The following BCKDHB variants were observed in gnomAD, a reference collection of about 807,000 sequenced individuals.
The protein encoded by BCKDHB is 2-oxoisovalerate dehydrogenase subunit beta, mitochondrial.
A neutral mutation model predicts 48.5 loss-of-function variants in BCKDHB; 41 were observed. That is an observed-to-expected ratio of 0.85 (90% confidence interval 0.66 to 1.10). The LOEUF (loss-of-function observed/expected upper bound fraction) is 1.10, where lower values mean the gene tolerates loss of function less well. Among genes scored for constraint, BCKDHB ranks in the 50% least tolerant of loss-of-function variants. BCKDHB has a pLI of 0.00. For missense variants in BCKDHB, 496 were observed against 494.2 expected, an observed-to-expected ratio of 1.00 and a Z score of -0.03; for synonymous variants, 201 against 174.8, an observed-to-expected ratio of 1.15 and a Z score of -1.18.
the BCKDHB span, among the ~76,000 whole-genome samples, chr6:80,404,490 A>AT: frequency 6.6e-6 from 1 of 150,750 alleles, no homozygotes; most frequent in Non-Finnish European, 1.5e-5. Flanking sequence ...GAATTTGTCT[A>AT]TTTTGCTCAC....
chr6:80,383,721 A>G, the BCKDHB span, among the ~76,000 whole-genome samples: 1 of 152,140 alleles, frequency 6.6e-6, no homozygotes. Flanking sequence ...TACAAAAAGC[A>G]TAAAATTGCA....
At chr6:80,205,122 T>C (rs1433066063) in intron 8 of BCKDHB, among the ~76,000 whole-genome samples, 1 of 152,078 alleles carries the variant, frequency 6.6e-6, no homozygotes, top group Non-Finnish European at 1.5e-5. Flanking sequence ...CTGTTTTCTT[T>C]TGATGTATCA....
At chr6:80,340,884 T>C (rs1415954046) in intron 9 of BCKDHB, among the ~76,000 whole-genome samples, 1 of 152,188 alleles carries the variant, frequency 6.6e-6, no homozygotes, top group African/African-American at 2.4e-5. Context: ...TTGGTGGTAG[T>C]GCAGAGAAAC....
At chr6:80,450,670 C>T in the BCKDHB span, among the ~76,000 whole-genome samples, 4 of 152,090 alleles carry the variant, frequency 2.6e-5, no homozygotes, top group East Asian at 7.7e-4. Flanking sequence ...CCTTCTAATC[C>T]AGCTGTTACA....
the BCKDHB span, among the ~76,000 whole-genome samples, chr6:80,464,258 C>G: frequency 6.6e-6 from 1 of 151,996 alleles, no homozygotes; most frequent in Admixed American, 6.6e-5. Context: ...CTCCTGAGTA[C>G]TGGGACCACA....
chr6:80,178,628 T>C (rs963246828), intron 6 of BCKDHB, among the ~76,000 whole-genome samples: 1 of 152,210 alleles, frequency 6.6e-6, no homozygotes, highest in Non-Finnish European at 1.5e-5. Context: ...GGCTATCTTG[T>C]GTAGACATGG....
chr6:80,411,994 C>A, the BCKDHB span, among the ~76,000 whole-genome samples: 14 of 152,206 alleles, frequency 9.2e-5, no homozygotes, highest in Non-Finnish European at 1.9e-4. Context: ...GTGAGATGAA[C>A]AAGGTACCTC....
At chr6:80,294,444 A>T (rs1015921808) in intron 9 of BCKDHB, among the ~76,000 whole-genome samples, 7 of 152,170 alleles carry the variant, frequency 4.6e-5, no homozygotes, top group African/African-American at 1.7e-4. Context: ...AGGGAAGACA[A>T]CCGTTAGGTC....
chr6:80,188,618 C>CGATA (rs1773758662), intron 6 of BCKDHB, among the ~76,000 whole-genome samples: 1 of 151,848 alleles, frequency 6.6e-6, no homozygotes, highest in South Asian at 2.1e-4. Context: ...CCAGCCTGGG[C>CGATA]GATAGGGTGA....
At chr6:80,210,754 C>T (rs1222941773) in intron 8 of BCKDHB, among the ~76,000 whole-genome samples, 1 of 152,078 alleles carries the variant, frequency 6.6e-6, no homozygotes, top group African/African-American at 2.4e-5. Flanking sequence ...TCAGTTTCTC[C>T]CTGCAACTCA....
At chr6:80,272,783 T>C (rs1777803644) in intron 8 of BCKDHB, among the ~76,000 whole-genome samples, 1 of 152,162 alleles carries the variant, frequency 6.6e-6, no homozygotes, top group African/African-American at 2.4e-5. Flanking sequence ...TTTCGCTCTT[T>C]AACATGAAGA....
chr6:80,264,577 T>C (rs1376609714), intron 8 of BCKDHB, among the ~76,000 whole-genome samples: 1 of 152,048 alleles, frequency 6.6e-6, no homozygotes, highest in African/African-American at 2.4e-5. Flanking sequence ...CCGTTGAAGA[T>C]TTTTCAGGAG....
chr6:80,197,736 G>A (rs1774193697), intron 6 of BCKDHB, among the ~76,000 whole-genome samples: 1 of 152,200 alleles, frequency 6.6e-6, no homozygotes, highest in African/African-American at 2.4e-5. Context: ...AGATGTTGCT[G>A]CCAGGGGAAA....
chr6:80,340,468 G>A (rs970917622), intron 9 of BCKDHB, among the ~76,000 whole-genome samples: 1 of 152,166 alleles, frequency 6.6e-6, no homozygotes, highest in Non-Finnish European at 1.5e-5. Context: ...GCTCTGTGGG[G>A]AGAAAGACCA....
chr6:80,111,774 G>C (rs1345116604), intron 1 of BCKDHB, among the ~76,000 whole-genome samples: 1 of 152,128 alleles, frequency 6.6e-6, no homozygotes, highest in African/African-American at 2.4e-5. Context: ...AAACCCAAAG[G>C]AGAACAAATA....
intron 3 of BCKDHB, among the ~76,000 whole-genome samples, chr6:80,146,283 G>T (rs568560484): frequency 6.0e-4 from 91 of 152,222 alleles, no homozygotes; most frequent in African/African-American, 1.9e-3. Context: ...AAATTACATG[G>T]AAGTAAAATA....
chr6:80,325,852 A>G lies in BCKDHB; in HGVS notation c.1039-17812A>G, dbSNP rs1277705964. Among the ~76,000 whole-genome samples the G allele has an allele frequency of 2.6e-5, 4 of 152,232 alleles. No homozygotes were observed. In the South Asian group the frequency reaches 8.3e-4, roughly 31 times the overall value. On this transcript the variant is annotated intron_variant, in intron 9 of 9. Transcript: ENST00000320393. Reference sequence around the variant, plus strand: ...TCAGTTGAGGGATATTCTACAGAATATATGTCCAGTACTCCTCAAAACTGT... The same window carrying G: ...TCAGTTGAGGGATATTCTACAGAATGTATGTCCAGTACTCCTCAAAACTGT...
intron 8 of BCKDHB, among the ~76,000 whole-genome samples, chr6:80,240,638 C>T (rs1449034953): frequency 6.6e-6 from 1 of 152,154 alleles, no homozygotes; most frequent in Non-Finnish European, 1.5e-5. Context: ...TCCTCATTTC[C>T]TAATTGAATA....
intron 9 of BCKDHB, among the ~76,000 whole-genome samples, chr6:80,287,468 AT>A (rs10670092): frequency 1.2e-4 from 18 of 149,876 alleles, no homozygotes; most frequent in South Asian, 2.1e-4. Flanking sequence ...TGGTTCAGTG[AT>A]TTTTTTTTTT....
Sources: gnomAD v4.1 joint callset for allele counts (sites outside exome capture counted in the v4.1 genomes callset) on GRCh38, gnomAD v4.1.1 for gene constraint, MANE v1.5 for transcripts, NCBI Gene and HGNC (gene_info 2026-07-23, HGNC 2026-07-21) for gene names.